The following SPIRE1 variants were observed in gnomAD, a reference collection of about 807,000 sequenced individuals.
The protein encoded by SPIRE1 is protein spire homolog 1.
SPIRE1 carries 40 observed loss-of-function variants against 94.1 expected under a neutral mutation model. The ratio of observed to expected loss-of-function variants is 0.43; its 90% CI spans 0.33 to 0.55. The LOEUF is 0.55. SPIRE1 is among the 20% of genes least tolerant of loss of function. The pLI, the probability that SPIRE1 is intolerant of heterozygous loss-of-function variation, is 0.06. For synonymous variants in SPIRE1, 376 were observed against 371.7 expected (o/e 1.01, Z -0.13); for missense variants, 838 against 975.2 (o/e 0.86, Z 1.87).
intron 2 of SPIRE1, among the ~76,000 whole-genome samples, chr18:12,614,054 G>C (rs1435045483): frequency 1.3e-5 from 2 of 152,190 alleles, no homozygotes; most frequent in African/African-American, 4.8e-5. Context: ...GAGGCCAAGA[G>C]TTCAAGACCA....
At chr18:12,548,250 C>T (rs1460175552) in intron 2 of SPIRE1, among the ~76,000 whole-genome samples, 2 of 152,154 alleles carry the variant, frequency 1.3e-5, no homozygotes, top group African/African-American at 4.8e-5. Flanking sequence ...CTTTCATTTT[C>T]AGTATTTCAT....
At chr18:12,597,694 T>C (rs1441986304) in intron 2 of SPIRE1, among the ~76,000 whole-genome samples, 2 of 152,218 alleles carry the variant, frequency 1.3e-5, no homozygotes, top group Non-Finnish European at 2.9e-5. Context: ...ACTAAGAGTA[T>C]TCAAAAAACA....
upstream of SPIRE1, chr18:12,658,688 G>T: frequency 2.3e-6 from 1 of 442,020 alleles, no homozygotes; most frequent in Admixed American, 2.6e-5. Context: ...AAAGCCTCCG[G>T]CAGTTTCCCG....
chr18:12,615,334 A>AAAAAAT (rs1244014675), intron 2 of SPIRE1, among the ~76,000 whole-genome samples: 1 of 51,680 alleles, frequency 1.9e-5, no homozygotes, highest in Non-Finnish European at 5.3e-5. Context: ...TCTCAAAAAA[A>AAAAAAT]AAAAAAAAAA....
chr18:12,541,049 T>C (rs1373153099), intron 3 of SPIRE1, among the ~76,000 whole-genome samples: 1 of 152,220 alleles, frequency 6.6e-6, no homozygotes, highest in Non-Finnish European at 1.5e-5. Flanking sequence ...CTTTGATAGG[T>C]CACGCATTTG....
In SPIRE1 at chr18:12,448,911, A is replaced by G. The variant is rs2031079939; in HGVS notation, c.*727T>C. On this transcript the variant is annotated 3_prime_UTR_variant, in exon 17 of 17. Coordinates refer to ENST00000409402, the MANE Select transcript of SPIRE1 (RefSeq NM_001128626.2). The surrounding 1 kb of genome is among the most constrained non-coding windows in gnomAD (Gnocchi z 4.4). The stretch of plus-strand genomic sequence containing the variant: ...ATTCTTAGACCTCCATTATAAAACT[A>G]TTAGTAACCATAATACATTCAAGAT... 6.6e-6 allele frequency: 1 copy of G among 152,566 alleles called. No individual in the cohort carries two copies. Among genetic ancestry groups the G allele is most frequent in the Non-Finnish European group, 1.5e-5 (1 of 68,032 alleles). 9.5% of individuals were successfully genotyped at this position (152,566 alleles called of 1,614,324 possible).
chr18:12,505,028 G>A lies in SPIRE1; in HGVS notation c.972+1449C>T, dbSNP rs971693800. On this transcript the variant is annotated intron_variant, in intron 6 of 16. Coordinates refer to ENST00000409402, the MANE Select transcript of SPIRE1 (RefSeq NM_001128626.2). ...TCTGAGAGGTAACCTGGATCCAGCC[G>A]TGTGGGCTGTGCCGGCCACGGTAAG... Among the ~76,000 whole-genome samples the A allele has an allele frequency of 7.2e-5, 11 of 152,284 alleles. 1 individual carries two copies. Among genetic ancestry groups the A allele is most frequent in the Admixed American group, 4.6e-4 (7 of 15,296 alleles).
rs2035608381 is a variant in SPIRE1 at position 12,559,145 on chromosome 18, G to A, written c.373-12241C>T. ...CTTGGAGCAGGGGGAGGCGCCCCCT[G>A]GGGAGGCTCCATCTGCTTAGGAGCC... On this transcript the variant is annotated intron_variant, in intron 2 of 16. Transcript: ENST00000409402. This position sits in a 1 kb window ranked among gnomAD's most constrained non-coding sequence, Gnocchi z 4.7. 6.9e-6 allele frequency among the ~76,000 whole-genome samples: 1 copy of A among 145,656 alleles called. No homozygotes were observed. The highest frequency in any genetic ancestry group is 6.7e-5 in the Admixed American group (1 of 14,880).
chr18:12,603,418 T>G (rs1427971151), intron 2 of SPIRE1, among the ~76,000 whole-genome samples: 1 of 152,054 alleles, frequency 6.6e-6, no homozygotes, highest in Non-Finnish European at 1.5e-5. Flanking sequence ...GGGTGTCTTT[T>G]TGTATATTAA....
chr18:12,538,129 C>T lies in SPIRE1; in HGVS notation c.604-2528G>A, dbSNP rs149312943. Among the ~76,000 whole-genome samples the T allele has an allele frequency of 8.9e-4, 135 of 152,154 alleles. 1 individual carries two copies. Among genetic ancestry groups the T allele is most frequent in the East Asian group, 1.5e-3 (8 of 5,178 alleles). ...AGCTAGTCAATGGCATAAATGGAAC[C>T]GAAACCAGGTAGTCTCTCTGGAGCC... is the stretch of plus-strand genomic sequence containing the variant. On this transcript the variant is annotated intron_variant, in intron 3 of 16. Transcript: ENST00000409402.
intron 3 of SPIRE1, among the ~76,000 whole-genome samples, chr18:12,545,792 G>T (rs2035145037): frequency 1.3e-5 from 2 of 152,104 alleles, no homozygotes; most frequent in Non-Finnish European, 2.9e-5. Context: ...GATCACAGTT[G>T]TTTTTTACTC....
intron 3 of SPIRE1, among the ~76,000 whole-genome samples, chr18:12,544,631 C>G (rs2035107672): frequency 6.6e-6 from 1 of 152,056 alleles, no homozygotes; most frequent in South Asian, 2.1e-4. Context: ...AGGTGTGAGC[C>G]ACCATGCCCA....
chr18:12,466,491 A>G (rs2143639103), intron 10 of SPIRE1, among the ~76,000 whole-genome samples: 1 of 152,180 alleles, frequency 6.6e-6, no homozygotes, highest in African/African-American at 2.4e-5. Context: ...CATGTTGGTC[A>G]GGCTGGTTTT....
intron 1 of SPIRE1, among the ~76,000 whole-genome samples, chr18:12,657,070 A>C (rs2038560897): frequency 6.6e-6 from 1 of 152,254 alleles, no homozygotes; most frequent in Non-Finnish European, 1.5e-5. Flanking sequence ...TGTTTCCGAC[A>C]GCGGCACTGA....
At chr18:12,632,295 G>A (rs1431745341) in intron 2 of SPIRE1, among the ~76,000 whole-genome samples, 1 of 152,066 alleles carries the variant, frequency 6.6e-6, no homozygotes, top group African/African-American at 2.4e-5. Flanking sequence ...ATGTGTTCCT[G>A]GGTCTGCTTC....
chr18:12,614,917 G>A (rs894981326), intron 2 of SPIRE1, among the ~76,000 whole-genome samples: 5 of 147,638 alleles, frequency 3.4e-5, no homozygotes, highest in South Asian at 2.2e-4. Context: ...GGCCAGGCCC[G>A]GTGGCTCATG....
chr18:12,509,720 A>G (rs1001667078), intron 5 of SPIRE1, among the ~76,000 whole-genome samples: 2 of 152,214 alleles, frequency 1.3e-5, no homozygotes, highest in Non-Finnish European at 2.9e-5. Context: ...TCAATACTCT[A>G]CAGATACAGA....
chr18:12,530,530 T>C (rs889176909), intron 4 of SPIRE1, among the ~76,000 whole-genome samples: 1 of 152,136 alleles, frequency 6.6e-6, no homozygotes, highest in African/African-American at 2.4e-5. Context: ...ATGATCTTGC[T>C]ATGCTTCTCA....
At chr18:12,493,272 A>G in intron 7 of SPIRE1, 71 bp from the exon 8 acceptor site, 2 of 1,362,076 alleles carry the variant, frequency 1.5e-6, no homozygotes, top group Non-Finnish European at 2.0e-6. Context: ...GTCATACAGT[A>G]CAGTATTATA....
Sources: gnomAD v4.1 joint callset for allele counts (sites outside exome capture counted in the v4.1 genomes callset) on GRCh38, gnomAD v4.1.1 for gene constraint, Gnocchi (gnomAD v3.1) non-coding constraint, MANE v1.5 for transcripts, NCBI Gene and HGNC (gene_info 2026-07-23, HGNC 2026-07-21) for gene names.